Variants in MIER1 observed in about 807,000 individuals in gnomAD.
MIER1 encodes mesoderm induction early response protein 1.
MIER1 carries 40 observed loss-of-function variants against 75.7 expected under a neutral mutation model. The observed-to-expected ratio is 0.53, with a 90% CI of 0.41 to 0.69. The LOEUF is 0.69. Among genes scored for constraint, MIER1 ranks in the 30% least tolerant of loss-of-function variants. The probability of loss-of-function intolerance (pLI) is 0.00; values close to 1 mark genes in which losing one functional copy is unlikely to be tolerated. For missense variants in MIER1, 574 were observed against 680.2 expected, an observed-to-expected ratio of 0.84 and a Z score of 1.74; for synonymous variants, 213 against 223.4, an observed-to-expected ratio of 0.95 and a Z score of 0.42.
At chr1:66,950,431 C>A (rs1475111125) in intron 4 of MIER1, among the ~76,000 whole-genome samples, 4 of 152,058 alleles carry the variant, frequency 2.6e-5, no homozygotes, top group Non-Finnish European at 4.4e-5. Flanking sequence ...TTGTTTGCTA[C>A]AAATAGAAAC....
chr1:66,951,421 G>A (rs1658916200), intron 4 of MIER1, among the ~76,000 whole-genome samples: 1 of 152,078 alleles, frequency 6.6e-6, no homozygotes, highest in South Asian at 2.1e-4. Flanking sequence ...GAGCCACTGA[G>A]TCTGGTCGGT....
At position 66,958,996 on chromosome 1, in the gene MIER1, G is replaced by A. The variant is rs965586055; in HGVS notation, c.634+13G>A. 1 of 1,605,124 alleles carries A rather than the reference G, an allele frequency of 6.2e-7. No individual in the cohort carries two copies. Among genetic ancestry groups the A allele is most frequent in the Non-Finnish European group, 8.5e-7 (1 of 1,174,046 alleles). ...TATTTTGATACAAGTAAGTGTTACT[G>A]GTTGATAATATTTGAATATAATTTT... On this transcript the variant is annotated intron_variant, in intron 6 of 13. Transcript: ENST00000401041.
At chr1:66,927,578 T>C (rs1652139051) in intron 2 of MIER1, among the ~76,000 whole-genome samples, 1 of 152,116 alleles carries the variant, frequency 6.6e-6, no homozygotes, top group South Asian at 2.1e-4. Flanking sequence ...AGTATAAATA[T>C]TAACTGTTTG....
At chr1:66,937,019 AAGAG>A (rs1316643715) in intron 2 of MIER1, among the ~76,000 whole-genome samples, 5 of 148,824 alleles carry the variant, frequency 3.4e-5, no homozygotes, top group Non-Finnish European at 6.0e-5. Context: ...AAAAAAAAAA[AAGAG>A]AAAAAGAAAA....
intron 2 of MIER1, chr1:66,930,427 T>TC (rs1558012149): frequency 1.2e-6 from 2 of 1,603,802 alleles, no homozygotes; most frequent in Non-Finnish European, 1.7e-6. Flanking sequence ...CCCCTCCCTG[T>TC]CCCGGAGCCG....
intron 4 of MIER1, among the ~76,000 whole-genome samples, chr1:66,955,453 A>T (rs1473194019): frequency 6.7e-6 from 1 of 148,766 alleles, no homozygotes; most frequent in Non-Finnish European, 1.5e-5. Flanking sequence ...CCCTCAAGGT[A>T]ATTCTGATAC....
At chr1:66,965,002 C>G (rs894324120) in intron 8 of MIER1, among the ~76,000 whole-genome samples, 2 of 152,084 alleles carry the variant, frequency 1.3e-5, no homozygotes, top group African/African-American at 4.8e-5. Flanking sequence ...ACATCACAGG[C>G]CAGTACGGTT....
chr1:66,928,824 T>C (rs1320439935), intron 2 of MIER1: 3 of 1,037,872 alleles, frequency 2.9e-6, no homozygotes, highest in African/African-American at 1.6e-5. Context: ...ATGGTAAAAA[T>C]TGTTTGTAGA....
At chr1:66,982,745 G>A (rs762862218) in intron 13 of MIER1, among the ~76,000 whole-genome samples, 39 of 152,266 alleles carry the variant, frequency 2.6e-4, no homozygotes, top group Non-Finnish European at 4.7e-4. Context: ...TCTCACATTG[G>A]TCCTGCTGGA....
chr1:66,928,796 T>C (rs1330048551), intron 2 of MIER1: 1 of 698,180 alleles, frequency 1.4e-6, no homozygotes, highest in East Asian at 2.7e-5. Context: ...AAAATGAAAA[T>C]ACTGTACAGT....
At chr1:66,967,866 C>G (rs984891572) in intron 8 of MIER1, among the ~76,000 whole-genome samples, 2 of 152,090 alleles carry the variant, frequency 1.3e-5, no homozygotes, top group African/African-American at 4.8e-5. Flanking sequence ...TGCAACTTTA[C>G]TGAATTTGTC....
At chr1:66,970,745 T>C in intron 8 of MIER1, 63 bp from the exon 9 acceptor site, 1 of 1,259,468 alleles carries the variant, frequency 7.9e-7, no homozygotes, top group South Asian at 1.7e-5. Context: ...TTTAGTAATA[T>C]GTTTTAACAC....
chr1:66,943,582 CTCTTTTCTTCCTT>C (rs962826352), intron 3 of MIER1, among the ~76,000 whole-genome samples: 1 of 150,572 alleles, frequency 6.6e-6, no homozygotes, highest in African/African-American at 2.4e-5. Flanking sequence ...TCCTCCTTTC[CTCTTTTCTTCCTT>C]TCTTTTTTGA....
chr1:66,969,782 CT>C, intron 8 of MIER1, among the ~76,000 whole-genome samples: 1 of 152,164 alleles, frequency 6.6e-6, no homozygotes, highest in Non-Finnish European at 1.5e-5. Context: ...TCTCTAGCTA[CT>C]CCCCTATCTC....
chr1:66,957,947 C>G (rs1660497464), intron 4 of MIER1, 112 bp from the exon 5 acceptor site: 4 of 539,722 alleles, frequency 7.4e-6, no homozygotes, highest in South Asian at 6.3e-5. Flanking sequence ...GAATTCGTAA[C>G]ACAGCTTTTA....
intron 2 of MIER1, chr1:66,930,211 G>A (rs1294489737): frequency 1.5e-6 from 2 of 1,377,572 alleles, no homozygotes; most frequent in East Asian, 3.0e-5. Context: ...GCGCCGCGAG[G>A]GGGCGGAGTG....
chr1:66,982,078 C>G (rs1558123068), intron 13 of MIER1, among the ~76,000 whole-genome samples, 160 bp downstream of exon 13: 1 of 152,132 alleles, frequency 6.6e-6, no homozygotes, highest in African/African-American at 2.4e-5. Flanking sequence ...TATATACTAA[C>G]AGAATACAAA....
chr1:66,945,316 T>TGTATATATATATATATATATATATATAA (rs1657339094), intron 3 of MIER1, among the ~76,000 whole-genome samples: 2 of 106,764 alleles, frequency 1.9e-5, no homozygotes, highest in African/African-American at 6.8e-5. Flanking sequence ...TATATATATA[T>TGTATATATATATATATATATATATATAA]AAAATACCTA....
intron 11 of MIER1, among the ~76,000 whole-genome samples, chr1:66,975,113 C>T (rs72673727): frequency 0.039 from 5,989 of 152,244 alleles, 148 homozygotes; most frequent in Non-Finnish European, 0.054. Flanking sequence ...GGGAGGGTAT[C>T]ATCAACATTT....
Sources: gnomAD v4.1 joint callset for allele counts (sites outside exome capture counted in the v4.1 genomes callset) on GRCh38, gnomAD v4.1.1 for gene constraint, MANE v1.5 for transcripts, NCBI Gene and HGNC (gene_info 2026-07-23, HGNC 2026-07-21) for gene names.